The following PHACTR2 variants were observed in gnomAD, a reference collection of about 807,000 sequenced individuals.
The protein encoded by PHACTR2 is phosphatase and actin regulator 2.
Under a neutral mutation model 76.0 loss-of-function variants are expected in PHACTR2, and 30 were observed. The observed-to-expected ratio is 0.39, with a 90% CI of 0.30 to 0.54. The LOEUF is 0.54. Ranked by LOEUF, PHACTR2 falls within the 20% of genes least tolerant of loss-of-function variation. The probability of loss-of-function intolerance (pLI) is 0.61; values close to 1 mark genes in which losing one functional copy is unlikely to be tolerated. For missense variants in PHACTR2, 696 were observed against 781.1 expected, an observed-to-expected ratio of 0.89 and a Z score of 1.30; for synonymous variants, 292 against 292.5, an observed-to-expected ratio of 1.00 and a Z score of 0.02.
intron 11 of PHACTR2, among the ~76,000 whole-genome samples, chr6:143,797,915 T>C (rs909526398): frequency 6.6e-6 from 1 of 152,190 alleles, no homozygotes; most frequent in South Asian, 2.1e-4. Flanking sequence ...TTTAAAGTAG[T>C]TTTTTCCAAT....
rs146097110 is a variant in PHACTR2, at chr6:143,780,731, G to A, written c.1646-2488G>A. Among the ~76,000 whole-genome samples, 321 of 152,172 alleles carry A rather than the reference G, an allele frequency of 2.1e-3. 1 individual carries two copies. The highest frequency in any genetic ancestry group is 0.021 in the East Asian group (109 of 5,180). On this transcript the variant is annotated intron_variant, in intron 9 of 12. Transcript: ENST00000440869. This position sits in a 1 kb window ranked among gnomAD's most constrained non-coding sequence, Gnocchi z 4.4. ...TTATCGGAAATGCTTCTTGCGGGTC[G>A]TCCGAAATGTTCGCCCCTCTCTGCT...
intron 1 of PHACTR2, among the ~76,000 whole-genome samples, chr6:143,670,397 AG>A (rs1430662421): frequency 6.6e-6 from 1 of 152,142 alleles, no homozygotes; most frequent in Admixed American, 6.5e-5. Flanking sequence ...GTGTCTTGTT[AG>A]GTTGGGAGAG....
chr6:143,800,559 C>A lies in PHACTR2; in HGVS notation c.1846-6498C>A, dbSNP rs1211912974. On this transcript the variant is annotated intron_variant, in intron 11 of 12. Transcript: ENST00000440869. The surrounding 1 kb of genome is among the most constrained non-coding windows in gnomAD (Gnocchi z 4.8). ...TACAGGTGTGAGCCACCGCACCCAG[C>A]CCATCCCTTTATTTTGAGCCTATGT... Among the ~76,000 whole-genome samples, 2 of 152,092 alleles carry A rather than the reference C, an allele frequency of 1.3e-5. No homozygotes were observed. The highest frequency in any genetic ancestry group is 2.9e-5 in the Non-Finnish European group (2 of 67,990).
At chr6:143,632,036 G>A (rs9918452) in intron 1 of PHACTR2, among the ~76,000 whole-genome samples, 2,144 of 152,056 alleles carry the variant, frequency 0.014, 61 homozygotes, top group African/African-American at 0.049. Flanking sequence ...CTTGGAACAG[G>A]GAAAAGAACA....
chr6:143,813,075 G>GAGAA (rs1776214476), intron 12 of PHACTR2, among the ~76,000 whole-genome samples: 1 of 152,156 alleles, frequency 6.6e-6, no homozygotes, highest in African/African-American at 2.4e-5. Context: ...GTTATCAAGA[G>GAGAA]AGAATATCGC....
At chr6:143,736,906 C>T (rs901272298) in intron 2 of PHACTR2, among the ~76,000 whole-genome samples, 2 of 151,712 alleles carry the variant, frequency 1.3e-5, no homozygotes, top group African/African-American at 4.8e-5. Context: ...AACGTCTATT[C>T]ATGCTAGGTT....
chr6:143,693,438 C>A (rs9496735), intron 1 of PHACTR2, among the ~76,000 whole-genome samples: 81,565 of 151,916 alleles, frequency 0.54, 22,546 homozygotes, highest in African/African-American at 0.69. Context: ...GGGTTTCGCC[C>A]TGTTGGCCAG....
At position 143,623,001 on chromosome 6, in the gene PHACTR2, A is replaced by G. The variant is rs1374600705; in HGVS notation, c.13+14679A>G. Among the ~76,000 whole-genome samples, 1 of 152,220 alleles carries G rather than the reference A, an allele frequency of 6.6e-6. No homozygotes were observed. The highest frequency in any genetic ancestry group is 2.4e-5 in the African/African-American group (1 of 41,458). ...CCTTCACCTAAAGAAGGCTCAGTCT[A>G]GTGACATTGTTTATCCATTTGCTTT... On this transcript the variant is annotated intron_variant, in intron 1 of 11. Coordinates refer to the PHACTR2 transcript ENST00000305766. The surrounding 1 kb of genome is among the most constrained non-coding windows in gnomAD (Gnocchi z 5.9).
At chr6:143,665,956 G>A (rs565399525) in intron 1 of PHACTR2, among the ~76,000 whole-genome samples, 1 of 152,142 alleles carries the variant, frequency 6.6e-6, no homozygotes, top group East Asian at 1.9e-4. Context: ...ACATGCCATG[G>A]TGGTTTGCTG....
rs1779563966 is a variant in PHACTR2, at chr6:143,766,374, T to C, written c.1232+576T>C. 2.0e-5 allele frequency among the ~76,000 whole-genome samples: 3 copies of C among 152,240 alleles called. No homozygotes were observed. In the South Asian group the frequency reaches 6.2e-4, roughly 32 times the overall value. On this transcript the variant is annotated intron_variant, in intron 6 of 12. Transcript: ENST00000440869. ...CCCTGTGGGACAGAATTAGCCAACA[T>C]GTCTTACATAAGACACCTCTGTGTG...
At chr6:143,763,351 T>C (rs941266982) in intron 5 of PHACTR2, among the ~76,000 whole-genome samples, 1 of 151,948 alleles carries the variant, frequency 6.6e-6, no homozygotes, top group Non-Finnish European at 1.5e-5. Context: ...AGAGGGAGAC[T>C]CTGTCTCAAA....
chr6:143,554,339 T>C lies in PHACTR2; in HGVS notation c.217+17132T>C, dbSNP rs1281044039. ...TTCGATGACACTTGTTCAAGCACGG[T>C]AAGGCAGGTTTTATTTAGGACCATT... On this transcript the variant is annotated intron_variant, in intron 1 of 11. Coordinates refer to the PHACTR2 transcript ENST00000367584. This position sits in a 1 kb window ranked among gnomAD's most constrained non-coding sequence, Gnocchi z 5.9. The C allele has an allele frequency of 6.6e-6, 1 of 152,116 alleles. No individual in the cohort carries two copies. Among genetic ancestry groups the C allele is most frequent in the Non-Finnish European group, 1.5e-5 (1 of 68,014 alleles). The allele number at this position is 152,116 out of a possible 1,614,324, so 9.4% of individuals were successfully genotyped here.
Position 143,585,565 on chromosome 6 carries a change from G to A in PHACTR2, c.217+48358G>A, listed in dbSNP as rs1247558563. ...GCCATACTGTGGCCCTGTAGCTCAG[G>A]GAACATACTGGAGTCTGATGGTGTC... On this transcript the variant is annotated intron_variant, in intron 1 of 11. Coordinates refer to the PHACTR2 transcript ENST00000367584. This position sits in a 1 kb window ranked among gnomAD's most constrained non-coding sequence, Gnocchi z 5.2. 6.6e-6 allele frequency among the ~76,000 whole-genome samples: 1 copy of A among 152,128 alleles called. No individual in the cohort carries two copies. The highest frequency in any genetic ancestry group is 6.5e-5 in the Admixed American group (1 of 15,278).
chr6:143,792,338 A>G (rs1411573161), intron 11 of PHACTR2, among the ~76,000 whole-genome samples: 1 of 151,942 alleles, frequency 6.6e-6, no homozygotes, highest in Non-Finnish European at 1.5e-5. Flanking sequence ...AGAGTTAGTC[A>G]AGGCATCTGG....
intron 1 of PHACTR2, among the ~76,000 whole-genome samples, chr6:143,614,767 A>G (rs1291141700): frequency 6.6e-6 from 1 of 152,150 alleles, no homozygotes; most frequent in Non-Finnish European, 1.5e-5. Flanking sequence ...GCTCATAAAC[A>G]TCACCATCAG....
intron 1 of PHACTR2, among the ~76,000 whole-genome samples, chr6:143,622,811 A>G (rs1260470357): frequency 6.6e-6 from 1 of 152,220 alleles, no homozygotes; most frequent in Non-Finnish European, 1.5e-5. Flanking sequence ...GCAGGAGAAG[A>G]TAGAACATGT....
intron 1 of PHACTR2, among the ~76,000 whole-genome samples, chr6:143,630,122 TAA>T (rs775206968): frequency 5.2e-4 from 79 of 151,640 alleles, no homozygotes; most frequent in Non-Finnish European, 8.0e-4. Context: ...CTTAATATTA[TAA>T]GTCATTATAT....
At position 143,585,717 on chromosome 6, in the gene PHACTR2, C is replaced by T. The variant is rs986808249; in HGVS notation, c.217+48510C>T. ...TAGGTGCTCAAAAAATACCTGTGTG[C>T]GAATGAACTCTGTGAGCAATTTTGT... On this transcript the variant is annotated intron_variant, in intron 1 of 11. Transcript: ENST00000367584. This position sits in a 1 kb window ranked among gnomAD's most constrained non-coding sequence, Gnocchi z 5.2. Among the ~76,000 whole-genome samples, 1 of 152,184 alleles carries T rather than the reference C, an allele frequency of 6.6e-6. No homozygotes were observed. Among genetic ancestry groups the T allele is most frequent in the South Asian group, 2.1e-4 (1 of 4,826 alleles).
At chr6:143,632,363 G>A (rs979055752) in intron 1 of PHACTR2, among the ~76,000 whole-genome samples, 10 of 152,172 alleles carry the variant, frequency 6.6e-5, no homozygotes, top group East Asian at 1.9e-4. Flanking sequence ...AGATACCCCC[G>A]CCACCAATTT....
Sources: allele counts gnomAD v4.1 joint callset (sites outside exome capture counted in the v4.1 genomes callset), GRCh38; gene constraint gnomAD v4.1.1; non-coding constraint Gnocchi (gnomAD v3.1); transcripts MANE v1.5; gene names NCBI Gene and HGNC (gene_info 2026-07-23, HGNC 2026-07-21).